GOLGA8H: variants seen among roughly 807,000 people sequenced by gnomAD.
GOLGA8H encodes golgin A8 family member H, also known as golgin subfamily A member 8H.
GOLGA8H carries 47 observed loss-of-function variants against 82.7 expected under a neutral mutation model. The ratio of observed to expected loss-of-function variants is 0.57; its 90% CI spans 0.45 to 0.73. GOLGA8H has a LOEUF of 0.73. Among genes scored for constraint, GOLGA8H ranks in the 30% least tolerant of loss-of-function variants. The pLI is 0.00. For synonymous variants in GOLGA8H, 108 were observed against 241.6 expected (o/e 0.45, Z 5.13); for missense variants, 372 against 661.0 (o/e 0.56, Z 4.79).
In GOLGA8H at chr15:30,610,050, C is replaced by A; in HGVS notation, c.730C>A (p.His244Asn). The A allele has an allele frequency of 1.2e-6, 2 of 1,611,492 alleles. No individual in the cohort carries two copies. Among genetic ancestry groups the A allele is most frequent in the Non-Finnish European group, 1.7e-6 (2 of 1,179,726 alleles). ...VQLERDECAEHLKGERARWQQ... is the reference protein window; with the variant it reads ...VQLERDECAENLKGERARWQQ... ...ATTAGAAAGAGATGAGTGTGCTGAA[C>A]ATCTAAAAGGAGAGAGGGCCCGGTG... The change falls in exon 10 of 19, where the codon CAT becomes AAT. Residue 244 changes from histidine (H) to asparagine (N), a missense_variant. His to Asn is a moderately conservative substitution (Grantham distance 68). Coordinates refer to ENST00000566740, the MANE Select transcript of GOLGA8H (RefSeq NM_001282490.2).
intron 2 of GOLGA8H, 130 bp downstream of exon 2, chr15:30,606,092 C>G: frequency 1.1e-5 from 16 of 1,446,738 alleles, no homozygotes; most frequent in Non-Finnish European, 1.5e-5. Context: ...TGGTGGCCCA[C>G]GCCTGTAATC....
chr15:30,612,574 C>T (rs1181204506), intron 13 of GOLGA8H, 23 bp from the exon 14 acceptor site: 7 of 1,595,384 alleles, frequency 4.4e-6, no homozygotes, highest in Non-Finnish European at 1.7e-6. Flanking sequence ...TCCACCCCTT[C>T]TCACTCTGTC....
Position 30,610,329 on chromosome 15 carries a change from C to G in GOLGA8H, c.814C>G (p.Gln272Glu), listed in dbSNP as rs762113150. The change falls in exon 11 of 19, where the codon CAA becomes GAA. Residue 272 changes from glutamine to glutamate, a missense_variant. Physicochemically the swap from Gln to Glu is conservative, Grantham distance 29. Transcript: ENST00000566740. ...TTGCACATTAAAGAAAGAGAAGCAG[C>G]AAGATATGCGTCGGGTAGAGAAGCT... ...EICTLKKEKQ[Q>E]DMRRVEKLER... is the part of the protein sequence containing the mutation. 5 of 1,416,948 alleles carry G rather than the reference C, an allele frequency of 3.5e-6. No homozygotes were observed. Among genetic ancestry groups the G allele is most frequent in the Middle Eastern group, 2.5e-4 (1 of 4,078 alleles). The allele number at this position is 1,416,948 out of a possible 1,614,324, so 87.8% of individuals were successfully genotyped here. A position where few individuals can be genotyped will look rare whatever the true frequency, so the allele number is the denominator to read the frequency against.
rs2912167 is a variant in GOLGA8H at position 30,608,986 on chromosome 15, A to T, written c.591+230A>T. 2.0e-5 allele frequency among the ~76,000 whole-genome samples: 2 copies of T among 99,066 alleles called. 1 individual carries two copies. Among genetic ancestry groups the T allele is most frequent in the African/African-American group, 8.7e-5 (2 of 23,052 alleles). 65.0% of individuals were successfully genotyped at this position (99,066 alleles called of 152,430 possible). A position where few individuals can be genotyped will look rare whatever the true frequency, so the allele number is the denominator to read the frequency against. ...ACTGGACGCAGAGCTTGGAGGCCAAATGCCTGCCCCGCCCTTACCTGGCTG... is the reference window on the plus strand; with the variant it reads ...ACTGGACGCAGAGCTTGGAGGCCAATTGCCTGCCCCGCCCTTACCTGGCTG... On this transcript the variant is annotated intron_variant, in intron 8 of 18. Transcript: ENST00000566740.
chr15:30,611,530 C>T (rs1403820313), intron 13 of GOLGA8H, among the ~76,000 whole-genome samples, 184 bp downstream of exon 13: 2 of 151,244 alleles, frequency 1.3e-5, no homozygotes, highest in South Asian at 2.1e-4. Flanking sequence ...GGTGGGTAGC[C>T]CTGGGCTCCT....
chr15:30,612,516 G>A lies in GOLGA8H; in HGVS notation c.1201-81G>A. The A allele has an allele frequency of 1.5e-6, 2 of 1,310,276 alleles. 1 individual carries two copies. Among genetic ancestry groups the A allele is most frequent in the Non-Finnish European group, 2.1e-6 (2 of 938,016 alleles). The allele number at this position is 1,310,276 out of a possible 1,614,324, so 81.2% of individuals were successfully genotyped here. On this transcript the variant is annotated intron_variant, in intron 13 of 18. Coordinates refer to ENST00000566740, the MANE Select transcript of GOLGA8H (RefSeq NM_001282490.2). ...TGCCAAAAGTTGCAGGAGACCCAGG[G>A]GAGGGAGCTGCTGAGGATGGGGCTG...
chr15:30,616,000 CTA>C lies in GOLGA8H; in HGVS notation c.*1442_*1443del, dbSNP rs948154285. On this transcript the variant is annotated 3_prime_UTR_variant, in exon 19 of 19. Coordinates refer to ENST00000566740, the MANE Select transcript of GOLGA8H (RefSeq NM_001282490.2). Reference sequence around the variant, plus strand: ...GTCAATGTATTATCAGGAAACGTGTCTATACAATCACAGAGCTATATTTTCTC... The same window carrying C: ...GTCAATGTATTATCAGGAAACGTGTCTACAATCACAGAGCTATATTTTCTC... Among the ~76,000 whole-genome samples, 5 of 151,652 alleles carry C rather than the reference CTA, an allele frequency of 3.3e-5. No homozygotes were observed. The highest frequency in any genetic ancestry group is 1.2e-4 in the African/African-American group (5 of 41,260).
chr15:30,609,615 A>G (rs532966027), intron 8 of GOLGA8H, among the ~76,000 whole-genome samples, 191 bp from the exon 9 acceptor site: 62 of 151,698 alleles, frequency 4.1e-4, no homozygotes, highest in Non-Finnish European at 6.6e-4. Flanking sequence ...TTAGCCAGCT[A>G]TAAATTCAAT....
At chr15:30,613,043 G>C (rs1444118206) in intron 14 of GOLGA8H, 61 bp from the exon 15 acceptor site, 1 of 1,038,964 alleles carries the variant, frequency 9.6e-7, no homozygotes, top group Non-Finnish European at 1.4e-6. Flanking sequence ...GGAGGTAGAG[G>C]TGGGCCCACA....
intron 14 of GOLGA8H, 125 bp from the exon 15 acceptor site, chr15:30,612,976 GAAC>G: frequency 3.4e-6 from 2 of 582,356 alleles, no homozygotes; most frequent in South Asian, 1.9e-5. Flanking sequence ...TAAAAATAAA[GAAC>G]AACAGCTCAT....
chr15:30,611,436 G>T lies in GOLGA8H; in HGVS notation c.1200+90G>T. On this transcript the variant is annotated intron_variant, in intron 13 of 18. Coordinates refer to ENST00000566740, the MANE Select transcript of GOLGA8H (RefSeq NM_001282490.2). ...GAGGGGAGGTGCCAGGCCAGAGGCA[G>T]CTTCCAGCCTGGGGGCTGGTGACCA... The T allele has an allele frequency of 2.6e-6, 4 of 1,513,712 alleles. No individual in the cohort carries two copies. In the South Asian group the frequency reaches 3.6e-5, roughly 13 times the overall value. 93.8% of individuals were successfully genotyped at this position (1,513,712 alleles called of 1,614,324 possible).
chr15:30,611,397 C>G, intron 13 of GOLGA8H, 51 bp downstream of exon 13: 1 of 949,320 alleles, frequency 1.1e-6, no homozygotes, highest in Non-Finnish European at 1.6e-6. Flanking sequence ...GGGAGGCGGG[C>G]AGCAGCCTCT....
At position 30,614,959 on chromosome 15, in the gene GOLGA8H, AC is replaced by A. The variant is rs1238026537; in HGVS notation, c.*399del. On this transcript the variant is annotated 3_prime_UTR_variant, in exon 19 of 19. Coordinates refer to ENST00000566740, the MANE Select transcript of GOLGA8H (RefSeq NM_001282490.2). ...CATGTACATTCACTACAGAATTCAGACAAAATTTGCCTATGTTCTGCTGTTG... is the reference window on the plus strand; with the variant it reads ...CATGTACATTCACTACAGAATTCAGAAAAATTTGCCTATGTTCTGCTGTTG... Among the ~76,000 whole-genome samples the A allele has an allele frequency of 4.0e-5, 6 of 151,846 alleles. No homozygotes were observed. The highest frequency in any genetic ancestry group is 7.4e-5 in the Non-Finnish European group (5 of 67,948).
rs57392338 is a variant in GOLGA8H, at chr15:30,609,118, CGTGTGTGTGTGT to C, written c.591+378_591+389del. On this transcript the variant is annotated intron_variant, in intron 8 of 18. Transcript: ENST00000566740. ...TCTGTAGAAAGAGGAAACGTGTGTGCGTGTGTGTGTGTGTGTGTGTGTGTGTGCATACTGTGA... is the reference window on the plus strand; with the variant it reads ...TCTGTAGAAAGAGGAAACGTGTGTGCGTGTGTGTGTGTGTGCATACTGTGA... 4.4e-4 allele frequency among the ~76,000 whole-genome samples: 38 copies of C among 85,644 alleles called. 2 individuals carry two copies. The highest frequency in any genetic ancestry group is 1.8e-3 in the South Asian group (5 of 2,802). 56.2% of individuals were successfully genotyped at this position (85,644 alleles called of 152,430 possible).
Position 30,608,448 on chromosome 15 carries a change from C to G in GOLGA8H, c.397-19C>G. On this transcript the variant is annotated intron_variant, in intron 6 of 18. Transcript: ENST00000566740. ...TTCTTTCCTTCTCTTTCAGCACTTG[C>G]TTGGCTTTTCTCCCAAAGGTTCAAA... 6.2e-7 allele frequency: 1 copy of G among 1,608,126 alleles called. No homozygotes were observed. The highest frequency in any genetic ancestry group is 8.5e-7 in the Non-Finnish European group (1 of 1,178,918).
chr15:30,609,751 T>G, intron 8 of GOLGA8H, 55 bp from the exon 9 acceptor site: 1 of 1,571,256 alleles, frequency 6.4e-7, no homozygotes, highest in South Asian at 1.1e-5. Context: ...TAAGGGGCAC[T>G]GTGTGGAAAT....
intron 13 of GOLGA8H, 34 bp from the exon 14 acceptor site, chr15:30,612,563 C>T (rs1225071915): frequency 1.3e-6 from 2 of 1,591,012 alleles, no homozygotes; most frequent in Non-Finnish European, 1.7e-6. Flanking sequence ...ACCTGGCAAA[C>T]TCCACCCCTT....
chr15:30,608,200 C>T, intron 5 of GOLGA8H, 131 bp from the exon 6 acceptor site: 18 of 1,166,978 alleles, frequency 1.5e-5, no homozygotes, highest in Non-Finnish European at 2.2e-5. Context: ...ACCCCATCCC[C>T]ACAGGGCCCC....
chr15:30,608,173 C>T, intron 5 of GOLGA8H, 105 bp downstream of exon 5: 1 of 1,202,358 alleles, frequency 8.3e-7, no homozygotes, highest in Non-Finnish European at 1.2e-6. Context: ...GGGATGAAGG[C>T]TCACCCTTCA....
Sources: allele counts gnomAD v4.1 joint callset (sites outside exome capture counted in the v4.1 genomes callset), GRCh38; gene constraint gnomAD v4.1.1; transcripts MANE v1.5; gene names NCBI Gene and HGNC (gene_info 2026-07-23, HGNC 2026-07-21).